The following SLC35F4 variants were observed in gnomAD, a reference collection of about 807,000 sequenced individuals.
The protein encoded by SLC35F4 is solute carrier family 35 member F4.
In SLC35F4, 24 loss-of-function variants were observed where a neutral mutation model predicts 44.2. The observed-to-expected ratio is 0.54, with a 90% CI of 0.39 to 0.76. The LOEUF (loss-of-function observed/expected upper bound fraction) is 0.76. Ranked by LOEUF, SLC35F4 falls within the 30% of genes least tolerant of loss-of-function variation. The pLI, the probability that SLC35F4 is intolerant of heterozygous loss-of-function variation, is 0.00. For missense variants in SLC35F4, 562 were observed against 586.1 expected (o/e 0.96, Z 0.42); for synonymous variants, 238 against 223.6 (o/e 1.06, Z -0.57).
chr14:57,614,594 G>T (rs114749976), intron 1 of SLC35F4, among the ~76,000 whole-genome samples: 4,253 of 152,296 alleles, frequency 0.028, 78 homozygotes, highest in Middle Eastern at 0.054. Context: ...AGTTGAAAAA[G>T]AATTGGAAGT....
At chr14:57,658,689 G>A (rs768541069) in intron 1 of SLC35F4, among the ~76,000 whole-genome samples, 1 of 152,146 alleles carries the variant, frequency 6.6e-6, no homozygotes, top group African/African-American at 2.4e-5. Context: ...CGTTGCCAAG[G>A]TTCTTTGGAG....
chr14:57,929,050 A>G (rs1283511454), intron 1 of SLC35F4, among the ~76,000 whole-genome samples: 1 of 152,228 alleles, frequency 6.6e-6, no homozygotes, highest in Non-Finnish European at 1.5e-5. Context: ...CAAATTTTCC[A>G]GGGAAAAAGT....
At chr14:57,745,918 T>C (rs12888745) in intron 1 of SLC35F4, among the ~76,000 whole-genome samples, 4,822 of 152,152 alleles carry the variant, frequency 0.032, 117 homozygotes, top group Middle Eastern at 0.088. Context: ...AAAGGATGAG[T>C]TCATGTCCTT....
At chr14:57,738,788 G>T (rs1277582801) in intron 1 of SLC35F4, among the ~76,000 whole-genome samples, 16 of 79,330 alleles carry the variant, frequency 2.0e-4, no homozygotes, top group East Asian at 3.4e-4. Context: ...TATATATATA[G>T]GCTTCATATG....
intron 1 of SLC35F4, among the ~76,000 whole-genome samples, chr14:57,827,250 A>C (rs1365244595): frequency 6.6e-6 from 1 of 152,162 alleles, no homozygotes; most frequent in Non-Finnish European, 1.5e-5. Flanking sequence ...CAGCAAACAA[A>C]CGCAGGAACA....
chr14:57,716,306 T>TC (rs1777962502), intron 1 of SLC35F4, among the ~76,000 whole-genome samples: 1 of 151,880 alleles, frequency 6.6e-6, no homozygotes, highest in Non-Finnish European at 1.5e-5. Context: ...TTTTTTTTTT[T>TC]CTGTCTTTTG....
At chr14:57,655,002 G>A (rs1339774763) in intron 1 of SLC35F4, among the ~76,000 whole-genome samples, 2 of 152,240 alleles carry the variant, frequency 1.3e-5, no homozygotes, top group East Asian at 1.9e-4. Context: ...GTACTCCAGG[G>A]TGGCGTGACT....
At chr14:57,620,804 A>C (rs2072137499) in intron 1 of SLC35F4, among the ~76,000 whole-genome samples, 1 of 152,210 alleles carries the variant, frequency 6.6e-6, no homozygotes, top group Non-Finnish European at 1.5e-5. Flanking sequence ...ATAGTGTTGG[A>C]AGTTCTGGCA....
intron 1 of SLC35F4, among the ~76,000 whole-genome samples, chr14:57,809,364 G>C (rs189406497): frequency 7.7e-4 from 117 of 152,298 alleles, no homozygotes; most frequent in African/African-American, 2.7e-3. Flanking sequence ...CTGGCCAATA[G>C]ACTATGAGTA....
intron 2 of SLC35F4, among the ~76,000 whole-genome samples, chr14:57,593,480 A>G (rs912496296): frequency 5.3e-5 from 8 of 152,228 alleles, no homozygotes; most frequent in Non-Finnish European, 7.3e-5. Context: ...TCTCCTGCAG[A>G]AAGTATGAAA....
intron 1 of SLC35F4, among the ~76,000 whole-genome samples, chr14:57,804,602 C>A (rs1159214721): frequency 6.6e-6 from 1 of 152,122 alleles, no homozygotes; most frequent in Non-Finnish European, 1.5e-5. Flanking sequence ...TTCCTTACAC[C>A]TTATATAAAA....
At chr14:57,932,735 G>T (rs562075873) in intron 1 of SLC35F4, among the ~76,000 whole-genome samples, 2 of 152,200 alleles carry the variant, frequency 1.3e-5, no homozygotes, top group African/African-American at 4.8e-5. Context: ...TGTAATCCCA[G>T]CTACTTGGGA....
At chr14:57,794,101 A>C (rs1410726090) in intron 1 of SLC35F4, among the ~76,000 whole-genome samples, 1 of 152,202 alleles carries the variant, frequency 6.6e-6, no homozygotes, top group African/African-American at 2.4e-5. Context: ...CAAGCCATAA[A>C]AATTCTAGAA....
intron 1 of SLC35F4, among the ~76,000 whole-genome samples, chr14:57,669,671 G>A (rs560543308): frequency 6.6e-6 from 1 of 152,080 alleles, no homozygotes; most frequent in Non-Finnish European, 1.5e-5. Context: ...TTGCATCCCA[G>A]GGATGAAGCC....
Position 57,909,500 on chromosome 14 carries a change from G to T in SLC35F4, n.282+72413C>A, listed in dbSNP as rs1889173868. 3.3e-5 allele frequency among the ~76,000 whole-genome samples: 5 copies of T among 150,544 alleles called. No individual in the cohort carries two copies. In the South Asian group the frequency reaches 1.1e-3, roughly 32 times the overall value. On this transcript the variant is annotated intron_variant and non_coding_transcript_variant, in intron 1 of 1. Transcript: ENST00000556568. ...CCATTGATCCTTTTCCTATCTCCAC[G>T]GTGTTGCCTTTTCTTTTCTAAAATG...
chr14:57,679,916 C>G (rs532021098), intron 1 of SLC35F4, among the ~76,000 whole-genome samples: 1 of 151,968 alleles, frequency 6.6e-6, no homozygotes, highest in Non-Finnish European at 1.5e-5. Context: ...CAGGACCAGA[C>G]AGATTCATAG....
intron 1 of SLC35F4, among the ~76,000 whole-genome samples, chr14:57,918,142 C>T (rs1462042948): frequency 6.6e-6 from 1 of 152,236 alleles, no homozygotes; most frequent in East Asian, 1.9e-4. Context: ...TGCTTTCCCT[C>T]TGCCTTTGCC....
chr14:57,753,213 ATCT>A lies in SLC35F4; in HGVS notation c.103+112507_103+112509del, dbSNP rs1312625450. ...GGTTTCTGCAAAGATGGCATGTATA[ATCT>A]TCTTGGGATTGTGTTCAACTGTACA... On this transcript the variant is annotated intron_variant, in intron 1 of 7. Transcript: ENST00000556826. Among the ~76,000 whole-genome samples the A allele has an allele frequency of 5.3e-5, 8 of 152,244 alleles. No homozygotes were observed. The East Asian group carries it at 1.5e-3, about 29-fold the overall frequency.
chr14:57,807,041 C>T (rs968045510), intron 1 of SLC35F4, among the ~76,000 whole-genome samples: 3 of 152,076 alleles, frequency 2.0e-5, no homozygotes, highest in Non-Finnish European at 4.4e-5. Flanking sequence ...AATAACAAGT[C>T]CTCTTAATCA....
Sources: allele counts gnomAD v4.1 joint callset (sites outside exome capture counted in the v4.1 genomes callset), GRCh38; gene constraint gnomAD v4.1.1; transcripts MANE v1.5; gene names NCBI Gene and HGNC (gene_info 2026-07-23, HGNC 2026-07-21).